DDI2: variants seen among roughly 807,000 people sequenced by gnomAD.
DDI2 encodes the protein protein DDI1 homolog 2.
DDI2 carries 5 observed loss-of-function variants against 48.1 expected under a neutral mutation model. The observed-to-expected ratio is 0.10, with a 90% confidence interval of 0.05 to 0.22. The LOEUF (loss-of-function observed/expected upper bound fraction) is 0.22, where lower values mean the gene tolerates loss of function less well. Among genes scored for constraint, DDI2 ranks in the 10% least tolerant of loss-of-function variants. The probability of loss-of-function intolerance (pLI) is 1.00; values close to 1 mark genes in which losing one functional copy is unlikely to be tolerated. For missense variants in DDI2, 285 were observed against 506.2 expected (o/e 0.56, Z 4.19); for synonymous variants, 205 against 183.6 (o/e 1.12, Z -0.94).
chr1:15,661,681 C>T lies in DDI2; in HGVS notation c.*1891C>T, dbSNP rs1640383406. On this transcript the variant is annotated 3_prime_UTR_variant, in exon 10 of 10. Transcript: ENST00000480945. The stretch of plus-strand genomic sequence containing the variant: ...AGTTGGTGGGAATGCAGACCTTGCA[C>T]TTCTTGTTTTGCTCGCAAAAAACAT... 1.9e-6 allele frequency: 3 copies of T among 1,613,310 alleles called. No individual in the cohort carries two copies. The highest frequency in any genetic ancestry group is 2.5e-6 in the Non-Finnish European group (3 of 1,179,418).
rs1640345849 is a variant in DDI2 at position 15,660,292 on chromosome 1, G to A, written c.*502G>A. On this transcript the variant is annotated 3_prime_UTR_variant, in exon 10 of 10. Coordinates refer to ENST00000480945, the MANE Select transcript of DDI2 (RefSeq NM_032341.5). The stretch of plus-strand genomic sequence containing the variant: ...ATCTGTCACATCTACTAGGATGCAT[G>A]AACCACAGATGTTTCTAGGTGAAAA... The A allele has an allele frequency of 6.2e-7, 1 of 1,614,058 alleles. No homozygotes were observed. Among genetic ancestry groups the A allele is most frequent in the African/African-American group, 1.3e-5 (1 of 74,926 alleles).
Position 15,665,686 on chromosome 1 carries a change from TCTTCA to T in DDI2, c.*5900_*5904del, listed in dbSNP as rs1223901024. On this transcript the variant is annotated 3_prime_UTR_variant, in exon 10 of 10. Coordinates refer to ENST00000480945, the MANE Select transcript of DDI2 (RefSeq NM_032341.5). ...GCAATTTTTATATCTACAGACGTAC[TCTTCA>T]CTTATGGTGGCTTTTATCCCGCCAC... 6.6e-6 allele frequency: 1 copy of T among 152,204 alleles called. No homozygotes were observed. The highest frequency in any genetic ancestry group is 1.5e-5 in the Non-Finnish European group (1 of 68,042). The allele number at this position is 152,204 out of a possible 1,614,324, so 9.4% of individuals were successfully genotyped here.
intron 6 of DDI2, among the ~76,000 whole-genome samples, chr1:15,646,891 C>T (rs568951826): frequency 6.6e-6 from 1 of 152,080 alleles, no homozygotes; most frequent in Non-Finnish European, 1.5e-5. Context: ...AGGAAAAAAA[C>T]ATCCCTTAAA....
chr1:15,642,961 G>A (rs1416594683), intron 5 of DDI2, among the ~76,000 whole-genome samples: 1 of 152,190 alleles, frequency 6.6e-6, no homozygotes, highest in Non-Finnish European at 1.5e-5. Flanking sequence ...CAGCTACTTG[G>A]GAGGCTGAGG....
chr1:15,626,514 G>A (rs1004356202), intron 1 of DDI2, among the ~76,000 whole-genome samples, 155 bp from the exon 2 acceptor site: 3 of 152,192 alleles, frequency 2.0e-5, no homozygotes, highest in Admixed American at 6.5e-5. Context: ...GCTAGGTGAC[G>A]GGAAGGACTG....
At chr1:15,647,364 TCTCGAACTC>T (rs1157901520) in intron 6 of DDI2, among the ~76,000 whole-genome samples, 1 of 152,016 alleles carries the variant, frequency 6.6e-6, no homozygotes, top group African/African-American at 2.4e-5. Context: ...CCCAGGCTGG[TCTCGAACTC>T]CTGAGCTCAA....
chr1:15,621,573 T>G (rs1379286939), intron 1 of DDI2, among the ~76,000 whole-genome samples: 3 of 152,088 alleles, frequency 2.0e-5, no homozygotes, highest in Admixed American at 2.0e-4. Flanking sequence ...TCTTTGGAGA[T>G]GGGGGTTTCA....
chr1:15,618,837 G>A (rs1286448124), intron 1 of DDI2, among the ~76,000 whole-genome samples: 1 of 152,180 alleles, frequency 6.6e-6, no homozygotes, highest in Non-Finnish European at 1.5e-5. Context: ...TCTCCATCAA[G>A]TAAATCTTGA....
chr1:15,654,743 A>T (rs1640245949), intron 8 of DDI2, among the ~76,000 whole-genome samples: 1 of 151,996 alleles, frequency 6.6e-6, no homozygotes, highest in Non-Finnish European at 1.5e-5. Flanking sequence ...TTGTAACTTA[A>T]GTATTTTGTA....
Position 15,667,597 on chromosome 1 carries a change from G to C in DDI2, c.*7807G>C, listed in dbSNP as rs1337416194. The C allele has an allele frequency of 6.6e-6, 1 of 152,288 alleles. No homozygotes were observed. The highest frequency in any genetic ancestry group is 1.5e-5 in the Non-Finnish European group (1 of 68,076). 9.4% of individuals were successfully genotyped at this position (152,288 alleles called of 1,614,324 possible). On this transcript the variant is annotated 3_prime_UTR_variant, in exon 10 of 10. Transcript: ENST00000480945. The stretch of plus-strand genomic sequence containing the variant: ...GAATCTAGAGCAGAACATGTAATCA[G>C]CGATGGCTGGGATTGGTGGACAGGA...
chr1:15,651,906 T>A lies in DDI2; in HGVS notation c.1183+11T>A. Reference sequence around the variant, plus strand: ...CAGCAGAGGATGCAGGTATTTGGGATGGCCAAACTCTTCAATACTTGTTAT... The same window carrying A: ...CAGCAGAGGATGCAGGTATTTGGGAAGGCCAAACTCTTCAATACTTGTTAT... On this transcript the variant is annotated intron_variant, in intron 8 of 9. Coordinates refer to ENST00000480945, the MANE Select transcript of DDI2 (RefSeq NM_032341.5). 1.2e-6 allele frequency: 2 copies of A among 1,611,964 alleles called. No homozygotes were observed. Among genetic ancestry groups the A allele is most frequent in the Non-Finnish European group, 1.7e-6 (2 of 1,178,830 alleles).
intron 6 of DDI2, among the ~76,000 whole-genome samples, chr1:15,649,235 G>A (rs556781153): frequency 3.0e-4 from 46 of 152,118 alleles, no homozygotes; most frequent in African/African-American, 1.1e-3. Flanking sequence ...GTGGTGGTGC[G>A]TGTTTGTAAT....
Position 15,660,585 on chromosome 1 carries a change from C to T in DDI2, c.*795C>T. 1 of 1,613,918 alleles carries T rather than the reference C, an allele frequency of 6.2e-7. No individual in the cohort carries two copies. Among genetic ancestry groups the T allele is most frequent in the Non-Finnish European group, 8.5e-7 (1 of 1,179,958 alleles). On this transcript the variant is annotated 3_prime_UTR_variant, in exon 10 of 10. Transcript: ENST00000480945. ...AGAAAAGTATTCCATCTTCAGAATG[C>T]AGTGGCTGCTCAAATTCAGAAACAT...
chr1:15,633,651 C>G, intron 4 of DDI2, 86 bp downstream of exon 4: 1 of 1,574,616 alleles, frequency 6.4e-7, no homozygotes, highest in Non-Finnish European at 8.6e-7. Flanking sequence ...TGGGCATCTG[C>G]TTGGAGGTAG....
At chr1:15,658,425 C>T (rs1640304239) in intron 9 of DDI2, among the ~76,000 whole-genome samples, 1 of 151,594 alleles carries the variant, frequency 6.6e-6, no homozygotes, top group African/African-American at 2.4e-5. Context: ...GCTGGGATTA[C>T]AGGCATGAGC....
chr1:15,629,726 ATTTTTTT>A (rs113510565), intron 2 of DDI2, among the ~76,000 whole-genome samples: 8 of 142,454 alleles, frequency 5.6e-5, no homozygotes, highest in Non-Finnish European at 7.7e-5. Flanking sequence ...ACTAGCTTTA[ATTTTTTT>A]TTTTTTTTTT....
Position 15,661,246 on chromosome 1 carries a change from G to A in DDI2, c.*1456G>A, listed in dbSNP as rs758632334. 1 of 1,614,078 alleles carries A rather than the reference G, an allele frequency of 6.2e-7. No homozygotes were observed. Among genetic ancestry groups the A allele is most frequent in the Non-Finnish European group, 8.5e-7 (1 of 1,180,040 alleles). ...TGGCCTGTCAACCGATAAGGAAGGT[G>A]TCCCCAAATCTAGGGAATCCATAAA... On this transcript the variant is annotated 3_prime_UTR_variant, in exon 10 of 10. Transcript: ENST00000480945.
rs112153393 is a variant in DDI2, at chr1:15,641,472, CA to C, written c.761-2037del. On this transcript the variant is annotated intron_variant, in intron 5 of 9. Transcript: ENST00000480945. The stretch of plus-strand genomic sequence containing the variant: ...GGGCAACAGAGCAAGACTGTGTTTC[CA>C]AAAAAAAAAAAAGTGACATTTTAGG... 9.5e-3 allele frequency among the ~76,000 whole-genome samples: 1,248 copies of C among 131,636 alleles called. 14 individuals are homozygous for C. The highest frequency in any genetic ancestry group is 0.029 in the African/African-American group (1,052 of 35,894). The allele number at this position is 131,636 out of a possible 152,430, so 86.4% of individuals were successfully genotyped here. A position where few individuals can be genotyped will look rare whatever the true frequency, so the allele number is the denominator to read the frequency against.
intron 7 of DDI2, among the ~76,000 whole-genome samples, chr1:15,650,608 C>T (rs765169397): frequency 1.3e-5 from 2 of 152,116 alleles, no homozygotes; most frequent in Middle Eastern, 3.4e-3. Flanking sequence ...ATTAGCTAGG[C>T]GTGGTGGTAC....
Sources: allele counts gnomAD v4.1 joint callset (sites outside exome capture counted in the v4.1 genomes callset), GRCh38; gene constraint gnomAD v4.1.1; transcripts MANE v1.5; gene names NCBI Gene and HGNC (gene_info 2026-07-23, HGNC 2026-07-21).